Variants in PLXNA4 observed in about 807,000 individuals in gnomAD.
The protein encoded by PLXNA4 is plexin A4.
In PLXNA4, 44 loss-of-function variants were observed where a neutral mutation model predicts 191.8. That is an observed-to-expected ratio of 0.23 (90% confidence interval 0.18 to 0.29). PLXNA4 has a LOEUF of 0.29. Among genes scored for constraint, PLXNA4 ranks in the 10% least tolerant of loss-of-function variants. PLXNA4 has a pLI of 1.00. For missense variants in PLXNA4, 1,800 were observed against 2,488.8 expected, an observed-to-expected ratio of 0.72 and a Z score of 5.89; for synonymous variants, 1,082 against 1,009.5, an observed-to-expected ratio of 1.07 and a Z score of -1.36.
At chr7:132,348,081 T>C (rs1359541249) in intron 3 of PLXNA4, among the ~76,000 whole-genome samples, 3 of 152,244 alleles carry the variant, frequency 2.0e-5, no homozygotes, top group Admixed American at 1.3e-4. Flanking sequence ...AGGTGTCAGA[T>C]ATCAACCTGG....
chr7:132,479,213 G>A (rs1416294924), intron 3 of PLXNA4, among the ~76,000 whole-genome samples: 1 of 151,756 alleles, frequency 6.6e-6, no homozygotes, highest in Non-Finnish European at 1.5e-5. Context: ...AGGCTGTCAT[G>A]AGTTAGGATA....
intron 3 of PLXNA4, among the ~76,000 whole-genome samples, chr7:132,305,629 G>A (rs1239456503): frequency 1.3e-5 from 2 of 152,204 alleles, no homozygotes; most frequent in Non-Finnish European, 1.5e-5. Flanking sequence ...TCAGCCATCC[G>A]GGGAGCTCCT....
chr7:132,622,888 G>A (rs1169445171), intron 2 of PLXNA4, among the ~76,000 whole-genome samples: 1 of 152,216 alleles, frequency 6.6e-6, no homozygotes. Context: ...GTGGCATGGA[G>A]AAATTGCCCG....
intron 4 of PLXNA4, among the ~76,000 whole-genome samples, chr7:132,256,369 C>T (rs538560566): frequency 2.0e-5 from 3 of 152,278 alleles, no homozygotes; most frequent in East Asian, 1.9e-4. Context: ...AAGCCTGCTT[C>T]GGATGTTGCT....
intron 4 of PLXNA4, among the ~76,000 whole-genome samples, chr7:132,292,201 G>A (rs569528818): frequency 2.6e-5 from 4 of 152,274 alleles, no homozygotes; most frequent in East Asian, 3.9e-4. Context: ...AAAATATGAC[G>A]CAAAATATTT....
chr7:132,459,082 AACCGTGTGCCTTTACAGAGC>A (rs972205874), intron 3 of PLXNA4, among the ~76,000 whole-genome samples: 5 of 152,096 alleles, frequency 3.3e-5, no homozygotes, highest in African/African-American at 1.2e-4. Flanking sequence ...GACCTAGGTA[AACCGTGTGCCTTTACAGAGC>A]ACGACCGAAC....
chr7:132,534,548 T>C (rs1462918232), intron 1 of PLXNA4, among the ~76,000 whole-genome samples: 1 of 152,170 alleles, frequency 6.6e-6, no homozygotes, highest in African/African-American at 2.4e-5. Flanking sequence ...GCATAGATTC[T>C]GTAGTGGCGG....
chr7:132,172,428 A>T (rs1180066800), intron 21 of PLXNA4, among the ~76,000 whole-genome samples: 1 of 152,162 alleles, frequency 6.6e-6, no homozygotes, highest in Non-Finnish European at 1.5e-5. Context: ...GGACAGCCTG[A>T]AGCAAGAGGA....
At chr7:132,597,606 T>C (rs1391803942) in intron 2 of PLXNA4, among the ~76,000 whole-genome samples, 2 of 152,054 alleles carry the variant, frequency 1.3e-5, no homozygotes, top group African/African-American at 4.8e-5. Flanking sequence ...CATTCATTCA[T>C]TCATGTATTT....
intron 9 of PLXNA4, among the ~76,000 whole-genome samples, chr7:132,221,139 T>C (rs1024788189): frequency 6.6e-6 from 1 of 152,152 alleles, no homozygotes; most frequent in Non-Finnish European, 1.5e-5. Flanking sequence ...CCTGGCCTTA[T>C]TTTATTCCCT....
intron 3 of PLXNA4, among the ~76,000 whole-genome samples, chr7:132,412,725 T>G (rs1398219289): frequency 6.6e-6 from 1 of 151,782 alleles, no homozygotes; most frequent in Admixed American, 6.6e-5. Flanking sequence ...AGGGAGGAGG[T>G]GGGAAAGAGG....
At position 132,202,959 on chromosome 7, in the gene PLXNA4, C is replaced by T; in HGVS notation, c.2396-123G>A. The T allele has an allele frequency of 4.7e-6, 5 of 1,052,912 alleles. No homozygotes were observed. In the South Asian group the frequency reaches 7.5e-5, roughly 16 times the overall value. 65.2% of individuals were successfully genotyped at this position (1,052,912 alleles called of 1,614,324 possible). ...TGATGGGGCACAAAGGCAGTTTTGC[C>T]CCCTTAGCCATTCTGATGCAAAAAA... On this transcript the variant is annotated intron_variant, in intron 11 of 31. Transcript: ENST00000321063.
intron 2 of PLXNA4, among the ~76,000 whole-genome samples, chr7:132,494,704 A>G (rs1156931554): frequency 1.3e-5 from 2 of 152,228 alleles, no homozygotes; most frequent in East Asian, 3.8e-4. Flanking sequence ...ACGTGTCGCC[A>G]CATACAAATG....
At chr7:132,216,050 C>T (rs1340772147) in intron 9 of PLXNA4, among the ~76,000 whole-genome samples, 3 of 152,308 alleles carry the variant, frequency 2.0e-5, no homozygotes, top group African/African-American at 4.8e-5. Flanking sequence ...CAATTGGCAT[C>T]TGAAGTGGAG....
intron 20 of PLXNA4, among the ~76,000 whole-genome samples, chr7:132,175,879 G>A (rs1796440687): frequency 6.6e-6 from 1 of 152,222 alleles, no homozygotes; most frequent in African/African-American, 2.4e-5. Flanking sequence ...CAGCCAGTGG[G>A]CATTAACTAT....
At chr7:132,146,153 C>T (rs1795427109) in intron 28 of PLXNA4, among the ~76,000 whole-genome samples, 1 of 148,822 alleles carries the variant, frequency 6.7e-6, no homozygotes, top group African/African-American at 2.5e-5. Flanking sequence ...ACTTCCCCAA[C>T]TTGAGATTGT....
At chr7:132,468,418 G>A (rs527345714) in intron 3 of PLXNA4, among the ~76,000 whole-genome samples, 1 of 152,152 alleles carries the variant, frequency 6.6e-6, no homozygotes, top group South Asian at 2.1e-4. Context: ...TTATTACCTT[G>A]CACACTCAAT....
chr7:132,441,139 T>C (rs1795684814), intron 3 of PLXNA4, among the ~76,000 whole-genome samples: 1 of 152,198 alleles, frequency 6.6e-6, no homozygotes, highest in Admixed American at 6.5e-5. Flanking sequence ...CTTTGCATGG[T>C]GAGCTCCCAT....
At chr7:132,310,248 G>A (rs547215720) in intron 3 of PLXNA4, among the ~76,000 whole-genome samples, 1 of 152,354 alleles carries the variant, frequency 6.6e-6, no homozygotes, top group Admixed American at 6.5e-5. Flanking sequence ...TCTCAGTTCA[G>A]CACCTGATAC....
Sources: gnomAD v4.1 joint callset for allele counts (sites outside exome capture counted in the v4.1 genomes callset) on GRCh38, gnomAD v4.1.1 for gene constraint, MANE v1.5 for transcripts, NCBI Gene and HGNC (gene_info 2026-07-23, HGNC 2026-07-21) for gene names.